The following CCDC57 variants were observed in gnomAD, a reference collection of about 807,000 sequenced individuals.
The protein encoded by CCDC57 is coiled-coil domain-containing protein 57.
A neutral mutation model predicts 118.9 loss-of-function variants in CCDC57; 118 were observed. The ratio of observed to expected loss-of-function variants is 0.99; its 90% confidence interval spans 0.86 to 1.16. The LOEUF is 1.16. Ranked by LOEUF, CCDC57 falls within the 50% of genes most tolerant of loss-of-function variation. The pLI is 0.00. For synonymous variants in CCDC57, 527 were observed against 532.9 expected (o/e 0.99, Z 0.15); for missense variants, 1,300 against 1,320.7 (o/e 0.98, Z 0.24).
chr17:82,110,752 C>T (rs1280142346), intron 19 of CCDC57, among the ~76,000 whole-genome samples: 4 of 152,100 alleles, frequency 2.6e-5, no homozygotes, highest in Non-Finnish European at 5.9e-5. Flanking sequence ...ATGCCGGGCA[C>T]GGTGGCTCGC....
intron 7 of CCDC57, among the ~76,000 whole-genome samples, chr17:82,189,453 A>G (rs543675984): frequency 6.6e-6 from 1 of 152,182 alleles, no homozygotes; most frequent in African/African-American, 2.4e-5. Context: ...GAGAGTGAAC[A>G]GCTCTGCTGA....
intron 19 of CCDC57, among the ~76,000 whole-genome samples, chr17:82,115,535 C>G (rs1410576974): frequency 1.3e-5 from 2 of 152,000 alleles, no homozygotes; most frequent in African/African-American, 4.8e-5. Context: ...CTTAGGGAGG[C>G]TGACATGGGA....
chr17:82,104,244 G>A (rs1292762885), intron 19 of CCDC57, among the ~76,000 whole-genome samples: 1 of 152,222 alleles, frequency 6.6e-6, no homozygotes, highest in Non-Finnish European at 1.5e-5. Context: ...GGGCTGACTG[G>A]GCCGCAGGGA....
chr17:82,210,074 T>C (rs533918349), intron 1 of CCDC57, among the ~76,000 whole-genome samples: 1 of 151,958 alleles, frequency 6.6e-6, no homozygotes, highest in Non-Finnish European at 1.5e-5. Context: ...CCCAGAAGGT[T>C]GGGACGTGCT....
At chr17:82,209,128 C>A (rs1292382047) in intron 1 of CCDC57, among the ~76,000 whole-genome samples, 1 of 152,096 alleles carries the variant, frequency 6.6e-6, no homozygotes, top group African/African-American at 2.4e-5. Flanking sequence ...GTAGCCACAG[C>A]CATTTCTAAA....
At chr17:82,149,048 G>C (rs2041444480) in intron 16 of CCDC57, among the ~76,000 whole-genome samples, 1 of 68,220 alleles carries the variant, frequency 1.5e-5, no homozygotes, top group African/African-American at 5.5e-5. Flanking sequence ...TGGGTGGACG[G>C]ATGGTTGGGT....
At chr17:82,133,409 G>A (rs1323879597) in intron 17 of CCDC57, among the ~76,000 whole-genome samples, 5 of 133,504 alleles carry the variant, frequency 3.7e-5, no homozygotes, top group Non-Finnish European at 7.8e-5. Flanking sequence ...TGGGTTCTGG[G>A]TGACAGAGCC....
chr17:82,127,382 C>T lies in CCDC57; in HGVS notation c.2899+310G>A, dbSNP rs74381415. 22 of 179,898 alleles carry T rather than the reference C, an allele frequency of 1.2e-4. 1 individual carries two copies. Among genetic ancestry groups the T allele is most frequent in the Middle Eastern group, 2.9e-3 (2 of 686 alleles). 11.1% of individuals were successfully genotyped at this position (179,898 alleles called of 1,614,324 possible). A position where few individuals can be genotyped will look rare whatever the true frequency, so the allele number is the denominator to read the frequency against. ...CTAAGTCAGCCTGCGCCCGGGTGTACAGTGCTCCATTCTAAGTCAGCCTGC... is the reference window on the plus strand; with the variant it reads ...CTAAGTCAGCCTGCGCCCGGGTGTATAGTGCTCCATTCTAAGTCAGCCTGC... On this transcript the variant is annotated intron_variant, in intron 19 of 19. Coordinates refer to ENST00000665763, the Ensembl canonical transcript of CCDC57.
rs776302429 is a variant in CCDC57, at chr17:82,188,274, T to G, written c.997A>C (p.Arg333=). 35 of 1,576,566 alleles carry G rather than the reference T, an allele frequency of 2.2e-5. No homozygotes were observed. In the South Asian group the frequency reaches 3.8e-4, roughly 17 times the overall value. The change falls in exon 8 of 20, where the codon AGG becomes CGG. Residue 333 remains arginine (R), a synonymous_variant. Transcript: ENST00000665763. ...GTGTCAGCCTGTCTCCACTCTGCCCTGCGGAGCTGCGCCTCGAGGGTCTCG... is the reference window on the plus strand; with the variant it reads ...GTGTCAGCCTGTCTCCACTCTGCCCGGCGGAGCTGCGCCTCGAGGGTCTCG...
intron 16 of CCDC57, among the ~76,000 whole-genome samples, chr17:82,142,693 G>A (rs1341322976): frequency 3.3e-5 from 5 of 152,136 alleles, no homozygotes; most frequent in Admixed American, 2.6e-4. Context: ...TTAACACTTT[G>A]TGGCTTTTGG....
intron 14 of CCDC57, among the ~76,000 whole-genome samples, chr17:82,162,186 A>T (rs2043423027): frequency 6.6e-6 from 1 of 151,964 alleles, no homozygotes; most frequent in South Asian, 2.1e-4. Flanking sequence ...TTTTATAGAG[A>T]TGGGGTTTCA....
chr17:82,188,180 C>T (rs1599309251), intron 8 of CCDC57, 39 bp downstream of exon 7: 1 of 1,506,728 alleles, frequency 6.6e-7, no homozygotes, highest in Non-Finnish European at 8.9e-7. Flanking sequence ...ACGGCCGTCC[C>T]TGCCCTCACC....
exon 18 of CCDC57, chr17:82,128,525 C>T: frequency 6.4e-7 from 1 of 1,571,618 alleles, no homozygotes; most frequent in Non-Finnish European, 8.6e-7. Flanking sequence ...AGTCTGCTGC[C>T]CACCTGTGCT....
At chr17:82,169,004 G>C (rs891033462) in intron 13 of CCDC57, among the ~76,000 whole-genome samples, 1 of 152,208 alleles carries the variant, frequency 6.6e-6, no homozygotes, top group Non-Finnish European at 1.5e-5. Context: ...TTCTTCCTCT[G>C]GGATTAGGGA....
chr17:82,121,402 T>G (rs935454810), intron 19 of CCDC57, among the ~76,000 whole-genome samples: 1 of 152,138 alleles, frequency 6.6e-6, no homozygotes, highest in Non-Finnish European at 1.5e-5. Context: ...CTCGAGGACA[T>G]GACCTCACTC....
chr17:82,181,310 C>A (rs897232649), intron 9 of CCDC57, among the ~76,000 whole-genome samples: 2 of 152,240 alleles, frequency 1.3e-5, no homozygotes, highest in Non-Finnish European at 2.9e-5. Flanking sequence ...GGGCGGCCGG[C>A]GGAGCATCCT....
At chr17:82,145,915 GGGACGCCCC>G in intron 16 of CCDC57, 1 of 378,156 alleles carries the variant, frequency 2.6e-6, no homozygotes, top group South Asian at 1.9e-5. Context: ...CAGAGCACAG[GGGACGCCCC>G]GGCACCTCCC....
At chr17:82,200,303 C>T (rs1356187044) in intron 3 of CCDC57, among the ~76,000 whole-genome samples, 1 of 152,182 alleles carries the variant, frequency 6.6e-6, no homozygotes, top group Non-Finnish European at 1.5e-5. Context: ...CACCACAAAT[C>T]GATCAGGAAG....
chr17:82,190,517 A>G (rs12601059), intron 7 of CCDC57, among the ~76,000 whole-genome samples: 148,475 of 152,150 alleles, frequency 0.98, 72,470 homozygotes, highest in East Asian at 1. Flanking sequence ...CCAGCATGGC[A>G]AACTCCATCT....
Sources: allele counts gnomAD v4.1 joint callset (sites outside exome capture counted in the v4.1 genomes callset), GRCh38; gene constraint gnomAD v4.1.1; transcripts MANE v1.5; gene names NCBI Gene and HGNC (gene_info 2026-07-23, HGNC 2026-07-21).